Variants in AP2A2 observed in about 807,000 individuals in gnomAD.
AP2A2 encodes the protein AP-2 complex subunit alpha-2.
AP2A2 carries 32 observed loss-of-function variants against 104.2 expected under a neutral mutation model. The observed-to-expected ratio is 0.31, with a 90% CI of 0.23 to 0.41. The LOEUF (loss-of-function observed/expected upper bound fraction) is 0.41. AP2A2 is among the 10% of genes least tolerant of loss of function. The pLI is 1.00. For synonymous variants in AP2A2, 539 were observed against 533.3 expected, an observed-to-expected ratio of 1.01 and a Z score of -0.15; for missense variants, 912 against 1,261.0, an observed-to-expected ratio of 0.72 and a Z score of 4.19.
chr11:984,643 A>G lies in AP2A2; in HGVS notation c.706-2A>G. ...TGTCTCATTGCCTGTGCTGTCTTAC[A>G]GATCGTGACGTCTGCATCCACAGAT... On this transcript the variant is annotated splice_acceptor_variant, in intron 6 of 21. Coordinates refer to ENST00000448903, the MANE Select transcript of AP2A2 (RefSeq NM_012305.4). LOFTEE classifies it high-confidence loss of function. The G allele has an allele frequency of 6.2e-7, 1 of 1,608,982 alleles. No homozygotes were observed. Among genetic ancestry groups the G allele is most frequent in the Non-Finnish European group, 8.5e-7 (1 of 1,175,644 alleles).
At position 972,219 on chromosome 11, in the gene AP2A2, C is replaced by T. The variant is rs773931850; in HGVS notation, c.437C>T (p.Ala146Val). The change falls in exon 4 of 22, where the codon GCC becomes GTC. Residue 146 changes from alanine (A) to valine (V), a missense_variant. Transcript: ENST00000448903. ...GTGGGCAGCCGGGAGATGGCCGAGG[C>T]CTTCGCCGGGGAGATCCCTAAGGTC... is the stretch of plus-strand genomic sequence containing the variant. ...ASVGSREMAE[A>V]FAGEIPKVLV... is the part of the protein sequence containing the mutation. 3 of 1,608,892 alleles carry T rather than the reference C, an allele frequency of 1.9e-6. No individual in the cohort carries two copies. Among genetic ancestry groups the T allele is most frequent in the Non-Finnish European group, 8.5e-7 (1 of 1,179,132 alleles).
At chr11:932,751 A>G (rs1377441361) in intron 1 of AP2A2, 2 of 456,226 alleles carry the variant, frequency 4.4e-6, no homozygotes, top group Non-Finnish European at 8.8e-6. Context: ...TTCTCTTCAC[A>G]GTGTTTTCCG....
intron 4 of AP2A2, among the ~76,000 whole-genome samples, chr11:973,353 A>G (rs1195621037): frequency 6.6e-6 from 1 of 152,192 alleles, no homozygotes; most frequent in Admixed American, 6.5e-5. Context: ...AGAATGAGGC[A>G]GCCTTCTATC....
chr11:947,657 A>G (rs1407726644), intron 1 of AP2A2, among the ~76,000 whole-genome samples: 4 of 152,020 alleles, frequency 2.6e-5, no homozygotes, highest in Admixed American at 2.6e-4. Flanking sequence ...TTAGTTGGGC[A>G]TGGTGGCGTA....
intron 6 of AP2A2, among the ~76,000 whole-genome samples, chr11:983,077 A>G (rs1260367125): frequency 1.2e-4 from 15 of 128,228 alleles, no homozygotes; most frequent in Non-Finnish European, 4.7e-5. Context: ...TTGGAGTGCA[A>G]TGGCACGATC....
intron 4 of AP2A2, among the ~76,000 whole-genome samples, chr11:972,474 C>T (rs980990607): frequency 1.1e-4 from 16 of 152,182 alleles, no homozygotes; most frequent in African/African-American, 3.1e-4. Flanking sequence ...GTGGGAGAAT[C>T]GCTTGAGCCC....
At chr11:951,513 C>T (rs903247351) in intron 1 of AP2A2, among the ~76,000 whole-genome samples, 18 of 150,960 alleles carry the variant, frequency 1.2e-4, no homozygotes, top group African/African-American at 4.2e-4. Context: ...GGTGACAGGG[C>T]GAGACTCCGT....
At position 951,995 on chromosome 11, in the gene AP2A2, A is replaced by G. The variant is rs1015980125; in HGVS notation, c.68-7442A>G. On this transcript the variant is annotated intron_variant, in intron 1 of 21. Coordinates refer to ENST00000448903, the MANE Select transcript of AP2A2 (RefSeq NM_012305.4). ...TGATTCCCCCCACCTCAGCCTCCCT[A>G]GTAGCTGGGACCACAGGCATGCACC... Among the ~76,000 whole-genome samples the G allele has an allele frequency of 2.0e-5, 3 of 152,016 alleles. No individual in the cohort carries two copies. The East Asian group carries it at 5.8e-4, about 29-fold the overall frequency.
chr11:991,635 G>A (rs916213346), intron 10 of AP2A2, among the ~76,000 whole-genome samples: 1 of 151,986 alleles, frequency 6.6e-6, no homozygotes, highest in African/African-American at 2.4e-5. Flanking sequence ...AGTACATTTT[G>A]GAATGATGCC....
intron 1 of AP2A2, 49 bp downstream of exon 1, chr11:926,137 A>C (rs1349911941): frequency 3.7e-5 from 43 of 1,177,512 alleles, no homozygotes; most frequent in Non-Finnish European, 4.6e-5. Flanking sequence ...GCCGGCGGAG[A>C]CGGGGTCTGG....
intron 1 of AP2A2, among the ~76,000 whole-genome samples, chr11:956,312 G>A (rs148679479): frequency 0.027 from 4,160 of 152,002 alleles, 205 homozygotes; most frequent in African/African-American, 0.095. Flanking sequence ...ACAGGCATGC[G>A]CCACCACGCC....
In AP2A2 at chr11:939,693, C is replaced by T. The variant is rs144077702; in HGVS notation, c.67+13605C>T. 9.9e-3 allele frequency among the ~76,000 whole-genome samples: 1,504 copies of T among 152,234 alleles called. 9 individuals carry two copies. The highest frequency in any genetic ancestry group is 0.017 in the Non-Finnish European group (1,186 of 68,014). On this transcript the variant is annotated intron_variant, in intron 1 of 21. Coordinates refer to ENST00000448903, the MANE Select transcript of AP2A2 (RefSeq NM_012305.4). Reference sequence around the variant, plus strand: ...CCCCTGACCTCAACTGATCTGCCCTCCTCGGCCTCCCAAAGTGCTGGGATT... The same window carrying T: ...CCCCTGACCTCAACTGATCTGCCCTTCTCGGCCTCCCAAAGTGCTGGGATT...
chr11:949,421 A>G (rs1853960802), intron 1 of AP2A2, among the ~76,000 whole-genome samples: 1 of 152,226 alleles, frequency 6.6e-6, no homozygotes, highest in African/African-American at 2.4e-5. Flanking sequence ...CATTATCATG[A>G]ATATAGAAAC....
At chr11:928,644 G>A (rs565782563) in intron 1 of AP2A2, among the ~76,000 whole-genome samples, 1 of 152,388 alleles carries the variant, frequency 6.6e-6, no homozygotes, top group Non-Finnish European at 1.5e-5. Flanking sequence ...ATTGACAAAT[G>A]TGCCCTTAGG....
chr11:967,077 G>C (rs911361321), intron 2 of AP2A2, among the ~76,000 whole-genome samples: 4 of 152,086 alleles, frequency 2.6e-5, no homozygotes, highest in African/African-American at 9.7e-5. Context: ...AGAGGCACGA[G>C]AATCGCTTGA....
intron 1 of AP2A2, among the ~76,000 whole-genome samples, chr11:949,973 C>CT (rs1251893997): frequency 6.6e-6 from 1 of 152,072 alleles, no homozygotes; most frequent in Admixed American, 6.6e-5. Context: ...GATTCCAAAA[C>CT]TTAATACACA....
At chr11:1,003,667 T>G (rs1856102279) in intron 15 of AP2A2, 55 bp from the exon 16 acceptor site, 3 of 1,223,926 alleles carry the variant, frequency 2.5e-6, no homozygotes, top group Non-Finnish European at 3.4e-6. Context: ...GAACAAACCC[T>G]TGTGTTTTCT....
At chr11:1,006,273 G>C (rs1160083552) in intron 16 of AP2A2, among the ~76,000 whole-genome samples, 1 of 152,240 alleles carries the variant, frequency 6.6e-6, no homozygotes, top group Non-Finnish European at 1.5e-5. Flanking sequence ...GGGTGCGCAG[G>C]AGGGGCCGAG....
At chr11:971,930 C>A in intron 3 of AP2A2, 132 bp from the exon 4 acceptor site, 1 of 829,428 alleles carries the variant, frequency 1.2e-6, no homozygotes, top group Non-Finnish European at 1.8e-6. Flanking sequence ...GCTCCCACAG[C>A]AGTGCCCTGG....
Sources: allele counts gnomAD v4.1 joint callset (sites outside exome capture counted in the v4.1 genomes callset), GRCh38; gene constraint gnomAD v4.1.1; transcripts MANE v1.5; gene names NCBI Gene and HGNC (gene_info 2026-07-23, HGNC 2026-07-21).